The following TMC7 variants were observed in gnomAD, a reference collection of about 807,000 sequenced individuals.
TMC7 encodes the protein transmembrane channel-like protein 7.
A neutral mutation model predicts 82.9 loss-of-function variants in TMC7; 54 were observed. The observed-to-expected ratio is 0.65, with a 90% CI of 0.52 to 0.82. TMC7 has a LOEUF of 0.82. Among genes scored for constraint, TMC7 ranks in the 40% least tolerant of loss-of-function variants. TMC7 has a pLI of 0.00. For missense variants in TMC7, 820 were observed against 901.2 expected, an observed-to-expected ratio of 0.91 and a Z score of 1.15; for synonymous variants, 350 against 337.9, an observed-to-expected ratio of 1.04 and a Z score of -0.39.
At position 19,022,295 on chromosome 16, in the gene TMC7, T is replaced by G. The variant is rs1237433030; in HGVS notation, c.628+499T>G. ...TGGACTGAAAATGGCAAATCACAAA[T>G]ACACAAACATATCTATGTGCAAATA... On this transcript the variant is annotated intron_variant, in intron 4 of 15. Transcript: ENST00000304381. 2.6e-5 allele frequency among the ~76,000 whole-genome samples: 4 copies of G among 152,216 alleles called. No homozygotes were observed. The East Asian group carries it at 7.7e-4, about 29-fold the overall frequency.
chr16:19,056,813 C>A (rs768920343), intron 14 of TMC7, 116 bp downstream of exon 14: 205 of 1,199,846 alleles, frequency 1.7e-4, no homozygotes, highest in Non-Finnish European at 2.0e-4. Context: ...CTTTGAACTG[C>A]ACTTTCCCAT....
intron 9 of TMC7, among the ~76,000 whole-genome samples, chr16:19,041,878 T>C (rs1169311332): frequency 6.6e-6 from 1 of 152,070 alleles, no homozygotes; most frequent in Non-Finnish European, 1.5e-5. Context: ...CCCTCCCCTT[T>C]TGTTAGGCCT....
chr16:18,992,694 T>C (rs886456685), intron 1 of TMC7, among the ~76,000 whole-genome samples: 1 of 152,210 alleles, frequency 6.6e-6, no homozygotes, highest in Admixed American at 6.6e-5. Flanking sequence ...CTGAATGGTA[T>C]TGCCTAGGTT....
At chr16:19,057,484 C>T (rs76815780) in intron 14 of TMC7, among the ~76,000 whole-genome samples, 1 of 152,292 alleles carries the variant, frequency 6.6e-6, no homozygotes, top group South Asian at 2.1e-4. Context: ...AGTAAAACCC[C>T]AGCATAATAC....
Position 19,059,473 on chromosome 16 carries a change from G to A in TMC7, c.2085G>A (p.Gln695=). The stretch of plus-strand genomic sequence containing the variant: ...GAGCACACAAACGGGTGGTCATCCA[G>A]CTCCGAGAGCAGCTATCCCTGGTAA... ...LAGAHKRVVI[Q]LREQLSLESR... Residue 695 remains glutamine, a synonymous_variant, in exon 15 of 16, where the codon CAG becomes CAA. Transcript: ENST00000304381. 1 of 1,614,106 alleles carries A rather than the reference G, an allele frequency of 6.2e-7. No individual in the cohort carries two copies. Among genetic ancestry groups the A allele is most frequent in the Non-Finnish European group, 8.5e-7 (1 of 1,180,034 alleles).
rs912038651 is a variant in TMC7, at chr16:19,040,564, C to G, written c.1337+118C>G. On this transcript the variant is annotated intron_variant, in intron 9 of 15. Coordinates refer to ENST00000304381, the MANE Select transcript of TMC7 (RefSeq NM_024847.4). ...GCATTTTCCTGCTGAGCCAAGAGTC[C>G]TCCTCAACCTTCAGACAGCCCCCAT... is the stretch of plus-strand genomic sequence containing the variant. 10 of 873,698 alleles carry G rather than the reference C, an allele frequency of 1.1e-5. No individual in the cohort carries two copies. In the African/African-American group the frequency reaches 1.7e-4, roughly 15 times the overall value. The allele number at this position is 873,698 out of a possible 1,614,324, so 54.1% of individuals were successfully genotyped here. A position where few individuals can be genotyped will look rare whatever the true frequency, so the allele number is the denominator to read the frequency against.
intron 13 of TMC7, among the ~76,000 whole-genome samples, chr16:19,053,146 T>G (rs1238385458): frequency 6.6e-6 from 1 of 152,172 alleles, no homozygotes; most frequent in Non-Finnish European, 1.5e-5. Context: ...TTGCTCCTTA[T>G]CTTCACCTCT....
intron 1 of TMC7, among the ~76,000 whole-genome samples, chr16:18,987,393 C>G (rs2038871148): frequency 6.6e-6 from 1 of 152,128 alleles, no homozygotes; most frequent in South Asian, 2.1e-4. Flanking sequence ...TCACCACAAC[C>G]TCTGCCTCCC....
intron 3 of TMC7, among the ~76,000 whole-genome samples, chr16:19,017,349 T>G (rs1345237417): frequency 6.7e-6 from 1 of 149,328 alleles, no homozygotes; most frequent in East Asian, 1.9e-4. Flanking sequence ...ATAATTTAAT[T>G]TAAATTAAAT....
At chr16:18,987,342 A>T (rs762690732) in intron 1 of TMC7, among the ~76,000 whole-genome samples, 8 of 151,498 alleles carry the variant, frequency 5.3e-5, no homozygotes, top group Non-Finnish European at 1.2e-4. Flanking sequence ...ATGGAGTCTC[A>T]CTCTGTTGCC....
intron 5 of TMC7, 84 bp downstream of exon 5, chr16:19,023,279 C>T (rs1443254760): frequency 1.3e-5 from 11 of 840,982 alleles, no homozygotes; most frequent in Non-Finnish European, 1.7e-5. Context: ...CAAATTTCTG[C>T]AGTGAGAGCT....
At chr16:18,989,052 CA>C (rs11351746) in intron 1 of TMC7, among the ~76,000 whole-genome samples, 46,562 of 110,902 alleles carry the variant, frequency 0.42, 7,194 homozygotes, top group African/African-American at 0.45. Context: ...GACTCTGTCT[CA>C]AAAAAAAAAA....
At chr16:19,022,704 G>A (rs1960035714) in intron 4 of TMC7, among the ~76,000 whole-genome samples, 1 of 152,212 alleles carries the variant, frequency 6.6e-6, no homozygotes, top group Non-Finnish European at 1.5e-5. Context: ...ATGCATGACT[G>A]TACATGCTTA....
At chr16:19,018,763 C>T (rs1339767832) in intron 3 of TMC7, among the ~76,000 whole-genome samples, 2 of 152,020 alleles carry the variant, frequency 1.3e-5, no homozygotes, top group Non-Finnish European at 2.9e-5. Flanking sequence ...TAGTAAGATC[C>T]TGTCTCTATT....
rs377322903 is a variant in TMC7, at chr16:19,059,424, T to C, written c.2036T>C (p.Met679Thr). 8 of 1,613,676 alleles carry C rather than the reference T, an allele frequency of 5.0e-6. No individual in the cohort carries two copies. The African/African-American group carries it at 1.1e-4, about 22-fold the overall frequency. ...TCTGTCTTGTGTTGCAGCCTCATCATGTTTTACTTCATTGCCTTAGCTGGA... is the reference window on the plus strand; with the variant it reads ...TCTGTCTTGTGTTGCAGCCTCATCACGTTTTACTTCATTGCCTTAGCTGGA... ...VPFFMIICLIMFYFIALAGAH... is the reference protein window; with the variant it reads ...VPFFMIICLITFYFIALAGAH... Residue 679 changes from methionine (M) to threonine (T), a missense_variant, in exon 15 of 16, where the codon ATG becomes ACG. Around this residue, in one of 2 missense-constraint regions of TMC7, gnomAD observed 170 missense variants for 231.3 expected, o/e 0.74. Transcript: ENST00000304381.
At chr16:18,988,156 CTTTT>C (rs760359195) in intron 1 of TMC7, among the ~76,000 whole-genome samples, 6 of 128,950 alleles carry the variant, frequency 4.7e-5, no homozygotes, top group South Asian at 2.5e-4. Context: ...TTCTCTCTTT[CTTTT>C]TTTTTTTTTT....
chr16:18,984,059 C>A lies in TMC7; in HGVS notation c.-5C>A. ...GGCAGCCTCTGAGGAGCGCGGGGCGCGGCCATGAGCGAGTCCAGCGGCAGT... is the reference window on the plus strand; with the variant it reads ...GGCAGCCTCTGAGGAGCGCGGGGCGAGGCCATGAGCGAGTCCAGCGGCAGT... On this transcript the variant is annotated 5_prime_UTR_variant, in exon 1 of 16. Coordinates refer to ENST00000304381, the MANE Select transcript of TMC7 (RefSeq NM_024847.4). The A allele has an allele frequency of 6.8e-7, 1 of 1,479,676 alleles. No individual in the cohort carries two copies. The highest frequency in any genetic ancestry group is 8.9e-7 in the Non-Finnish European group (1 of 1,122,778). 91.7% of individuals were successfully genotyped at this position (1,479,676 alleles called of 1,614,324 possible). A position where few individuals can be genotyped will look rare whatever the true frequency, so the allele number is the denominator to read the frequency against.
intron 15 of TMC7, 108 bp from the exon 16 acceptor site, chr16:19,061,670 C>A: frequency 3.6e-6 from 3 of 834,134 alleles, no homozygotes; most frequent in East Asian, 2.7e-5. Context: ...AGATGAGAGG[C>A]CATTACAATA....
rs552662137 is a variant in TMC7, at chr16:19,009,873, A to G, written c.311+458A>G. ...GGGGAATGGCGTGAACCCGGGAGGC[A>G]GAGCTTGCAGTGAGCCGAGATTGCG... On this transcript the variant is annotated intron_variant, in intron 2 of 15. Coordinates refer to ENST00000304381, the MANE Select transcript of TMC7 (RefSeq NM_024847.4). Among the ~76,000 whole-genome samples the G allele has an allele frequency of 3.3e-5, 5 of 149,822 alleles. 1 individual carries two copies. In the South Asian group the frequency reaches 1.1e-3, roughly 32 times the overall value.
Sources: allele counts gnomAD v4.1 joint callset (sites outside exome capture counted in the v4.1 genomes callset), GRCh38; gene constraint gnomAD v4.1.1; regional missense constraint gnomAD v4.1.1; transcripts MANE v1.5; gene names NCBI Gene and HGNC (gene_info 2026-07-23, HGNC 2026-07-21).